CSMD3: variants seen among roughly 807,000 people sequenced by gnomAD.
CSMD3 encodes CUB and Sushi multiple domains 3, also known as CUB and sushi domain-containing protein 3.
CSMD3 carries 177 observed loss-of-function variants against 435.2 expected under a neutral mutation model. The observed-to-expected ratio is 0.41, with a 90% CI of 0.36 to 0.46. The LOEUF (loss-of-function observed/expected upper bound fraction) is 0.46, where lower values mean the gene tolerates loss of function less well. CSMD3 is among the 20% of genes least tolerant of loss of function. The probability of loss-of-function intolerance (pLI) is 0.34; values close to 1 mark genes in which losing one functional copy is unlikely to be tolerated. For missense variants in CSMD3, 4,265 were observed against 4,504.6 expected, an observed-to-expected ratio of 0.95 and a Z score of 1.52; for synonymous variants, 1,656 against 1,520.5, an observed-to-expected ratio of 1.09 and a Z score of -2.07.
chr8:112,261,555 ATG>A (rs947782093), intron 61 of CSMD3, among the ~76,000 whole-genome samples: 3 of 151,606 alleles, frequency 2.0e-5, no homozygotes, highest in Non-Finnish European at 4.4e-5. Flanking sequence ...GCATATATGT[ATG>A]TGTGTGTGTG....
intron 11 of CSMD3, among the ~76,000 whole-genome samples, chr8:112,857,498 C>A (rs1435491419): frequency 6.6e-6 from 1 of 151,658 alleles, no homozygotes. Context: ...AACAATATCT[C>A]CATCTCAATG....
intron 4 of CSMD3, among the ~76,000 whole-genome samples, chr8:113,146,772 T>C (rs1483062634): frequency 6.6e-6 from 1 of 151,518 alleles, no homozygotes; most frequent in African/African-American, 2.4e-5. Flanking sequence ...CATATAGTGG[T>C]TTTTGGTAAT....
chr8:113,207,682 G>A (rs1025498426), intron 3 of CSMD3, among the ~76,000 whole-genome samples: 2 of 151,816 alleles, frequency 1.3e-5, no homozygotes, highest in East Asian at 1.9e-4. Flanking sequence ...CCTGCCTAGC[G>A]AATATTAAAT....
intron 13 of CSMD3, among the ~76,000 whole-genome samples, chr8:112,705,499 C>G (rs1251333874): frequency 1.3e-5 from 2 of 151,994 alleles, no homozygotes; most frequent in East Asian, 3.9e-4. Context: ...CTTGAGGACT[C>G]TCATGTACAT....
chr8:112,482,440 A>G (rs1486872989), intron 31 of CSMD3, among the ~76,000 whole-genome samples: 3 of 152,210 alleles, frequency 2.0e-5, no homozygotes, highest in Non-Finnish European at 2.9e-5. Context: ...GCTTTTTAGC[A>G]TATTCATGAG....
chr8:113,209,490 CA>C, intron 3 of CSMD3, among the ~76,000 whole-genome samples: 1 of 152,140 alleles, frequency 6.6e-6, no homozygotes, highest in East Asian at 1.9e-4. Context: ...CTTAGGGATT[CA>C]AGGAAGTCTT....
intron 4 of CSMD3, among the ~76,000 whole-genome samples, chr8:113,156,756 A>ATAATTAAATAAG (rs1290948767): frequency 1.1e-4 from 16 of 149,594 alleles, no homozygotes; most frequent in African/African-American, 3.9e-4. Flanking sequence ...AAATAAATAA[A>ATAATTAAATAAG]TAAATAAATA....
intron 9 of CSMD3, among the ~76,000 whole-genome samples, chr8:112,934,824 C>G (rs1005134881): frequency 6.6e-6 from 1 of 152,114 alleles, no homozygotes; most frequent in African/African-American, 2.4e-5. Flanking sequence ...CTCTGTGAAT[C>G]TAGATGTATA....
At chr8:112,423,999 C>T (rs185550764) in intron 32 of CSMD3, among the ~76,000 whole-genome samples, 117 of 152,200 alleles carry the variant, frequency 7.7e-4, no homozygotes, top group Admixed American at 6.5e-4. Context: ...AAGTTTCATA[C>T]TTATACACGC....
chr8:113,361,809 G>T (rs2094279088), intron 1 of CSMD3, among the ~76,000 whole-genome samples: 1 of 152,042 alleles, frequency 6.6e-6, no homozygotes, highest in Non-Finnish European at 1.5e-5. Context: ...TAAATCATAT[G>T]GGCAGAAAAC....
rs74903952 is a variant in CSMD3 at position 113,188,287 on chromosome 8, C to T, written c.515-14371G>A. 2.8e-4 allele frequency among the ~76,000 whole-genome samples: 43 copies of T among 151,962 alleles called. No individual in the cohort carries two copies. The East Asian group carries it at 7.4e-3, about 26-fold the overall frequency. Reference sequence around the variant, plus strand: ...CAAGTCAGATATTATACTTTTAATGCGCATCTTTAAAATGGTCACTCTTCA... The same window carrying T: ...CAAGTCAGATATTATACTTTTAATGTGCATCTTTAAAATGGTCACTCTTCA... On this transcript the variant is annotated intron_variant, in intron 3 of 70. Coordinates refer to ENST00000297405, the MANE Select transcript of CSMD3 (RefSeq NM_198123.2).
chr8:113,374,160 G>C (rs1658048289), intron 1 of CSMD3, among the ~76,000 whole-genome samples: 1 of 151,524 alleles, frequency 6.6e-6, no homozygotes, highest in African/African-American at 2.4e-5. Flanking sequence ...ATAATGCAGA[G>C]AACAATCATA....
chr8:112,642,369 C>T (rs1311853835), intron 20 of CSMD3, among the ~76,000 whole-genome samples: 1 of 152,008 alleles, frequency 6.6e-6, no homozygotes, highest in Non-Finnish European at 1.5e-5. Context: ...TCATGGTGTC[C>T]TTGTAAATAA....
rs145434732 is a variant in CSMD3, at chr8:112,456,405, G to T, written c.5395+16186C>A. 1.4e-3 allele frequency among the ~76,000 whole-genome samples: 209 copies of T among 152,092 alleles called. 1 individual carries two copies. The highest frequency in any genetic ancestry group is 4.7e-3 in the African/African-American group (195 of 41,514). ...GGAACTCAGGTTTCATTAATTAACT[G>T]CAATAAGCACTGAGTAGAAATAAAT... On this transcript the variant is annotated intron_variant, in intron 32 of 70. Coordinates refer to ENST00000297405, the MANE Select transcript of CSMD3 (RefSeq NM_198123.2).
chr8:112,265,739 A>G (rs993553821), intron 59 of CSMD3, 149 bp from the exon 60 acceptor site: 1 of 696,428 alleles, frequency 1.4e-6, no homozygotes, highest in African/African-American at 1.8e-5. Flanking sequence ...TATTTAAACC[A>G]CATACTGGCA....
In CSMD3 at chr8:113,153,088, G is replaced by GAAAGA. The variant is rs1554791115; in HGVS notation, c.709+20629_709+20633dup. Among the ~76,000 whole-genome samples the GAAAGA allele has an allele frequency of 3.7e-4, 32 of 86,840 alleles. 1 individual carries two copies. The highest frequency in any genetic ancestry group is 5.3e-4 in the African/African-American group (10 of 18,876). The allele number at this position is 86,840 out of a possible 152,430, so 57.0% of individuals were successfully genotyped here. A position where few individuals can be genotyped will look rare whatever the true frequency, so the allele number is the denominator to read the frequency against. ...GAAAAAAGAAAGAAAAAGAAAGAAAGAAAGAAAGAAAGAAAAGAAAGAAAG... is the reference window on the plus strand; with the variant it reads ...GAAAAAAGAAAGAAAAAGAAAGAAAGAAAGAAAAGAAAGAAAGAAAAGAAAGAAAG... On this transcript the variant is annotated intron_variant, in intron 4 of 70. Transcript: ENST00000297405.
intron 32 of CSMD3, among the ~76,000 whole-genome samples, chr8:112,465,453 G>A (rs566406552): frequency 1.3e-5 from 2 of 152,284 alleles, no homozygotes; most frequent in South Asian, 4.1e-4. Context: ...TCTTTGAAAT[G>A]TAGGTGGGGT....
At chr8:113,376,935 C>T (rs575764558) in intron 1 of CSMD3, 74 of 1,404,950 alleles carry the variant, frequency 5.3e-5, no homozygotes, top group Admixed American at 2.1e-4. Flanking sequence ...TAACGGATGA[C>T]GTGCGGGTTC....
chr8:112,899,366 C>T (rs1169111865), intron 10 of CSMD3, among the ~76,000 whole-genome samples: 1 of 150,288 alleles, frequency 6.7e-6, no homozygotes, highest in Non-Finnish European at 1.5e-5. Flanking sequence ...TGGTCTATAT[C>T]TTTTGAAAAA....
Sources: allele counts gnomAD v4.1 joint callset (sites outside exome capture counted in the v4.1 genomes callset), GRCh38; gene constraint gnomAD v4.1.1; transcripts MANE v1.5; gene names NCBI Gene and HGNC (gene_info 2026-07-23, HGNC 2026-07-21).